PDE10A: variants seen among roughly 807,000 people sequenced by gnomAD.
The protein encoded by PDE10A is phosphodiesterase 10A, also known as cAMP and cAMP-inhibited cGMP 3',5'-cyclic phosphodiesterase 10A.
A neutral mutation model predicts 97.7 loss-of-function variants in PDE10A; 39 were observed. The observed-to-expected ratio is 0.40, with a 90% CI of 0.31 to 0.52. The LOEUF is 0.52. PDE10A is among the 20% of genes least tolerant of loss of function. The probability of loss-of-function intolerance (pLI) is 0.56; values close to 1 mark genes in which losing one functional copy is unlikely to be tolerated. For missense variants in PDE10A, 731 were observed against 1,047.8 expected (o/e 0.70, Z 4.17); for synonymous variants, 371 against 376.8 (o/e 0.98, Z 0.18).
At chr6:165,416,042 T>C (rs1478770212) in intron 12 of PDE10A, 147 bp downstream of exon 12, 2 of 633,232 alleles carry the variant, frequency 3.2e-6, no homozygotes, top group African/African-American at 1.8e-5. Context: ...ATACTGACTA[T>C]TGATAGCAGA....
chr6:165,950,188 G>A (rs957891785), intron 1 of PDE10A, among the ~76,000 whole-genome samples: 1 of 152,048 alleles, frequency 6.6e-6, no homozygotes, highest in African/African-American at 2.4e-5. Context: ...AAATAAAATT[G>A]AATATATCCT....
Position 165,791,592 on chromosome 6 carries a change from G to A in PDE10A, c.-615+195937C>T, listed in dbSNP as rs1469434418. Among the ~76,000 whole-genome samples, 4 of 152,148 alleles carry A rather than the reference G, an allele frequency of 2.6e-5. No homozygotes were observed. In the East Asian group the frequency reaches 5.8e-4, roughly 22 times the overall value. On this transcript the variant is annotated intron_variant, in intron 1 of 19. Coordinates refer to the PDE10A transcript ENST00000366882. ...GAGACACCTGAAGTGACACTGCTGGGTCTTTTGATGTCACAAGCTGCCCCC... is the reference window on the plus strand; with the variant it reads ...GAGACACCTGAAGTGACACTGCTGGATCTTTTGATGTCACAAGCTGCCCCC...
At chr6:165,346,683 G>T (rs1165648976) in intron 18 of PDE10A, among the ~76,000 whole-genome samples, 1 of 152,118 alleles carries the variant, frequency 6.6e-6, no homozygotes, top group African/African-American at 2.4e-5. Flanking sequence ...AGTTACTGAT[G>T]GGCAAGAAGG....
At chr6:165,333,255 G>T in intron 21 of PDE10A, 128 bp from the exon 22 acceptor site, 1 of 649,326 alleles carries the variant, frequency 1.5e-6, no homozygotes, top group Middle Eastern at 2.5e-4. Flanking sequence ...CTCCGACATG[G>T]TTACCAGCAC....
chr6:165,570,839 A>T (rs1308345513), intron 1 of PDE10A, among the ~76,000 whole-genome samples: 1 of 152,216 alleles, frequency 6.6e-6, no homozygotes, highest in Non-Finnish European at 1.5e-5. Context: ...TACTTGACCA[A>T]TGCTTGCTCC....
At chr6:165,968,075 G>A (rs1308272325) in intron 1 of PDE10A, among the ~76,000 whole-genome samples, 1 of 152,206 alleles carries the variant, frequency 6.6e-6, no homozygotes, top group African/African-American at 2.4e-5. Flanking sequence ...TACAAAATAT[G>A]TAGGGAAGTG....
intron 1 of PDE10A, among the ~76,000 whole-genome samples, chr6:165,923,804 T>G (rs1479043726): frequency 1.3e-5 from 2 of 152,204 alleles, no homozygotes; most frequent in African/African-American, 2.4e-5. Flanking sequence ...TTGCACAAAT[T>G]TAACTGGACA....
intron 1 of PDE10A, among the ~76,000 whole-genome samples, chr6:165,562,772 G>A (rs950139954): frequency 6.6e-6 from 1 of 152,272 alleles, no homozygotes; most frequent in East Asian, 1.9e-4. Flanking sequence ...GGCCTGGCAC[G>A]TAGTAAAATT....
At chr6:165,966,497 T>C (rs185998564) in intron 1 of PDE10A, among the ~76,000 whole-genome samples, 2 of 152,358 alleles carry the variant, frequency 1.3e-5, no homozygotes, top group East Asian at 3.9e-4. Context: ...GTTCCAGGCC[T>C]CGCAGCCCAG....
chr6:165,516,723 C>G (rs865986269), intron 2 of PDE10A, among the ~76,000 whole-genome samples: 1 of 152,126 alleles, frequency 6.6e-6, no homozygotes, highest in Non-Finnish European at 1.5e-5. Flanking sequence ...TTTATCCAAA[C>G]AAAATCACTA....
chr6:165,901,925 C>A (rs964420681), intron 1 of PDE10A, among the ~76,000 whole-genome samples: 4 of 152,150 alleles, frequency 2.6e-5, no homozygotes, highest in African/African-American at 7.2e-5. Flanking sequence ...CTGATATGCA[C>A]GGTTGAGGTC....
At chr6:165,816,915 G>A (rs918842922) in intron 1 of PDE10A, among the ~76,000 whole-genome samples, 1 of 152,162 alleles carries the variant, frequency 6.6e-6, no homozygotes, top group Non-Finnish European at 1.5e-5. Context: ...GGGATGATGG[G>A]TGCGGCACAC....
rs1337467007 is a variant in PDE10A at position 165,662,875 on chromosome 6, G to A, written c.-64C>T. 6.6e-6 allele frequency among the ~76,000 whole-genome samples: 1 copy of A among 150,858 alleles called. No homozygotes were observed. Among genetic ancestry groups the A allele is most frequent in the Non-Finnish European group, 1.5e-5 (1 of 67,480 alleles). On this transcript the variant is annotated 5_prime_UTR_variant, in exon 1 of 22. Transcript: ENST00000539869. ...GGAGGGGCGCGGCGGGCCGGGGCTC[G>A]GTGGGCTCCGCCCCCGCAGGACCTG...
intron 1 of PDE10A, among the ~76,000 whole-genome samples, chr6:165,688,795 C>T (rs1172415658): frequency 6.6e-6 from 1 of 152,132 alleles, no homozygotes; most frequent in Non-Finnish European, 1.5e-5. Flanking sequence ...AAATAGCCCT[C>T]TCTCCTCCTC....
At chr6:165,811,651 G>C (rs750214029) in intron 1 of PDE10A, among the ~76,000 whole-genome samples, 4 of 152,188 alleles carry the variant, frequency 2.6e-5, no homozygotes, top group Non-Finnish European at 5.9e-5. Context: ...TGAGCAGTGA[G>C]GTAGTGGCTC....
At chr6:165,645,276 C>G (rs889817204) in intron 1 of PDE10A, among the ~76,000 whole-genome samples, 4 of 152,170 alleles carry the variant, frequency 2.6e-5, no homozygotes, top group African/African-American at 9.7e-5. Context: ...ACCAGTAACT[C>G]GCCTTTTACT....
chr6:165,644,632 A>T (rs1789300613), intron 1 of PDE10A, among the ~76,000 whole-genome samples: 1 of 152,182 alleles, frequency 6.6e-6, no homozygotes, highest in Non-Finnish European at 1.5e-5. Context: ...CTCACAACAT[A>T]TACGTATATT....
At chr6:165,602,970 T>C (rs983373842) in intron 1 of PDE10A, among the ~76,000 whole-genome samples, 3 of 152,314 alleles carry the variant, frequency 2.0e-5, no homozygotes, top group African/African-American at 7.2e-5. Context: ...ATTTTCTTCA[T>C]GTAACATCAG....
intron 5 of PDE10A, among the ~76,000 whole-genome samples, chr6:165,436,902 G>A (rs1181652921): frequency 1.3e-5 from 2 of 151,860 alleles, no homozygotes; most frequent in Non-Finnish European, 2.9e-5. Flanking sequence ...AGAGTAGAAA[G>A]GTAATTCAAG....
Sources: gnomAD v4.1 joint callset for allele counts (sites outside exome capture counted in the v4.1 genomes callset) on GRCh38, gnomAD v4.1.1 for gene constraint, MANE v1.5 for transcripts, NCBI Gene and HGNC (gene_info 2026-07-23, HGNC 2026-07-21) for gene names.